The following PNPO variants were observed in gnomAD, a reference collection of about 807,000 sequenced individuals.
The protein encoded by PNPO is pyridoxamine 5'-phosphate oxidase.
Under a neutral mutation model 35.0 loss-of-function variants are expected in PNPO, and 39 were observed. That is an observed-to-expected ratio of 1.11 (90% CI 0.86 to 1.45). The LOEUF (loss-of-function observed/expected upper bound fraction) is 1.45, where lower values mean the gene tolerates loss of function less well. Among genes scored for constraint, PNPO ranks in the 40% most tolerant of loss-of-function variants. The pLI is 0.00. For missense variants in PNPO, 288 were observed against 340.0 expected, an observed-to-expected ratio of 0.85 and a Z score of 1.20; for synonymous variants, 115 against 119.8, an observed-to-expected ratio of 0.96 and a Z score of 0.26.
At position 47,946,871 on chromosome 17, in the gene PNPO, A is replaced by C; in HGVS notation, c.*89A>C. 6.4e-6 allele frequency: 8 copies of C among 1,247,666 alleles called. No homozygotes were observed. Among genetic ancestry groups the C allele is most frequent in the African/African-American group, 1.5e-5 (1 of 67,936 alleles). The allele number at this position is 1,247,666 out of a possible 1,614,324, so 77.3% of individuals were successfully genotyped here. ...GACCCAGGCCCTTCTTTCTAAACTC[A>C]ACCCATTTCCCTCCCTACCCCTTAT... On this transcript the variant is annotated 3_prime_UTR_variant, in exon 7 of 7. Coordinates refer to ENST00000642017, the MANE Select transcript of PNPO (RefSeq NM_018129.4).
intron 1 of PNPO, chr17:47,942,180 C>A: frequency 2.9e-6 from 1 of 344,988 alleles, no homozygotes; most frequent in Non-Finnish European, 4.4e-6. Flanking sequence ...TTGTAAAGTG[C>A]TTAGAACCCT....
intron 2 of PNPO, among the ~76,000 whole-genome samples, chr17:47,944,113 C>G (rs938611225): frequency 2.6e-5 from 4 of 152,030 alleles, no homozygotes; most frequent in African/African-American, 9.7e-5. Context: ...AGTCCAAGAT[C>G]AAGGTGCCAT....
intron 1 of PNPO, among the ~76,000 whole-genome samples, chr17:47,943,001 G>A (rs1372264017): frequency 1.3e-5 from 2 of 152,164 alleles, no homozygotes; most frequent in African/African-American, 4.8e-5. Context: ...TTTTGGGGGT[G>A]GAGCCCAGAA....
intron 1 of PNPO, among the ~76,000 whole-genome samples, chr17:47,942,943 AAT>A (rs1254644683): frequency 6.6e-6 from 1 of 152,140 alleles, no homozygotes; most frequent in African/African-American, 2.4e-5. Flanking sequence ...TAAATAAATA[AAT>A]AAAAATGCAG....
In PNPO at chr17:47,944,829, G is replaced by T; in HGVS notation, c.363+114G>T. The T allele has an allele frequency of 3.5e-6, 3 of 846,198 alleles. No homozygotes were observed. The South Asian group carries it at 4.0e-5, about 11-fold the overall frequency. 52.4% of individuals were successfully genotyped at this position (846,198 alleles called of 1,614,324 possible). On this transcript the variant is annotated intron_variant, in intron 3 of 6. Transcript: ENST00000642017. ...CCAGTCTACTTGCTCTCTGTGTGCA[G>T]GTGCCCTCCTGCCATGAGGCCTTGG...
rs1194648942 is a variant in PNPO, at chr17:47,947,942, G to C, written c.*1160G>C. ...CAGACATGAGCCACCACGCTTGGCC[G>C]GGATAGTATATTTTTATAGCACTTC... On this transcript the variant is annotated 3_prime_UTR_variant, in exon 7 of 7. Transcript: ENST00000642017. 1 of 152,194 alleles carries C rather than the reference G, an allele frequency of 6.6e-6. No homozygotes were observed. The highest frequency in any genetic ancestry group is 2.4e-5 in the African/African-American group (1 of 41,434). The allele number at this position is 152,194 out of a possible 1,614,324, so 9.4% of individuals were successfully genotyped here.
Position 47,945,816 on chromosome 17 carries a change from G to T in PNPO, c.418-45G>T. 1.2e-6 allele frequency: 2 copies of T among 1,605,622 alleles called. No homozygotes were observed. The highest frequency in any genetic ancestry group is 1.7e-6 in the Non-Finnish European group (2 of 1,176,548). On this transcript the variant is annotated intron_variant, in intron 4 of 6. Transcript: ENST00000642017. This position sits in a 1 kb window ranked among gnomAD's most constrained non-coding sequence, Gnocchi z 4.0. ...AACGGGGCCTGTGCTGGTAGGGAGG[G>T]CAGGTGGCATTTAATGCCATTCACC...
In PNPO at chr17:47,945,370, T is replaced by C. The variant is rs1250385209; in HGVS notation, c.364-189T>C. On this transcript the variant is annotated intron_variant, in intron 3 of 6. Transcript: ENST00000642017. This position sits in a 1 kb window ranked among gnomAD's most constrained non-coding sequence, Gnocchi z 4.0. ...TAGCTCCACCACTTCCTGCAGGAAC[T>C]TGGGCACGTGACTTAGCCTGTCTCT... is the stretch of plus-strand genomic sequence containing the variant. 2 of 613,628 alleles carry C rather than the reference T, an allele frequency of 3.3e-6. No homozygotes were observed. The highest frequency in any genetic ancestry group is 5.9e-6 in the Non-Finnish European group (2 of 336,230). 38.0% of individuals were successfully genotyped at this position (613,628 alleles called of 1,614,324 possible). A position where few individuals can be genotyped will look rare whatever the true frequency, so the allele number is the denominator to read the frequency against.
In PNPO at chr17:47,945,694, C is replaced by T; in HGVS notation, c.417+82C>T. 6.9e-7 allele frequency: 1 copy of T among 1,449,210 alleles called. No homozygotes were observed. Among genetic ancestry groups the T allele is most frequent in the Non-Finnish European group, 9.7e-7 (1 of 1,030,348 alleles). 89.8% of individuals were successfully genotyped at this position (1,449,210 alleles called of 1,614,324 possible). ...TATGGCTACGTCTAGCGAAGGTCCC[C>T]AGACTGGGCAAACATCCCAGCTGGG... On this transcript the variant is annotated intron_variant, in intron 4 of 6. Coordinates refer to ENST00000642017, the MANE Select transcript of PNPO (RefSeq NM_018129.4). This position sits in a 1 kb window ranked among gnomAD's most constrained non-coding sequence, Gnocchi z 4.0.
chr17:47,944,737 T>A lies in PNPO; in HGVS notation c.363+22T>A, dbSNP rs764850470. On this transcript the variant is annotated intron_variant, in intron 3 of 6. Coordinates refer to ENST00000642017, the MANE Select transcript of PNPO (RefSeq NM_018129.4). ...GCTGGTGGGTGAAAAGAGCTAGTAA[T>A]CTTTCCCAGGGCCTGCAGGGTTTGG... 6.3e-6 allele frequency: 10 copies of A among 1,586,120 alleles called. No individual in the cohort carries two copies. In the South Asian group the frequency reaches 9.9e-5, roughly 16 times the overall value.
intron 2 of PNPO, among the ~76,000 whole-genome samples, chr17:47,944,236 T>TGTGTGTGTGTGTG (rs56185758): frequency 7.1e-6 from 1 of 140,356 alleles, no homozygotes; most frequent in African/African-American, 2.7e-5. Flanking sequence ...TGTGTGTGTG[T>TGTGTGTGTGTGTG]TGTGGAGGGC....
Position 47,944,638 on chromosome 17 carries a change from ATGT to A in PNPO, c.289_291del (p.Leu99del), listed in dbSNP as rs1472580890. 1 of 1,614,080 alleles carries A rather than the reference ATGT, an allele frequency of 6.2e-7. No individual in the cohort carries two copies. The highest frequency in any genetic ancestry group is 1.3e-5 in the African/African-American group (1 of 75,042). On this transcript the variant is annotated inframe_deletion, in exon 3 of 7. Coordinates refer to ENST00000642017, the MANE Select transcript of PNPO (RefSeq NM_018129.4). ...TAGAGATGGAAAACCCTCTGCTCGC[ATGT>A]TGCTGCTGAAGGGCTTCGGGAAAGA...
rs1342517934 is a variant in PNPO, at chr17:47,945,504, G to T, written c.364-55G>T. On this transcript the variant is annotated intron_variant, in intron 3 of 6. Coordinates refer to ENST00000642017, the MANE Select transcript of PNPO (RefSeq NM_018129.4). The surrounding 1 kb of genome is among the most constrained non-coding windows in gnomAD (Gnocchi z 4.0). ...CTCTCCTGCCTTTTCCCTGCATGCC[G>T]GAGGCCTCCTCTCCCTGTCCTGATG... The T allele has an allele frequency of 7.1e-7, 1 of 1,406,148 alleles. No individual in the cohort carries two copies. The highest frequency in any genetic ancestry group is 1.0e-6 in the Non-Finnish European group (1 of 990,714). The allele number at this position is 1,406,148 out of a possible 1,614,324, so 87.1% of individuals were successfully genotyped here.
At chr17:47,944,747 G>A (rs2035986998) in intron 3 of PNPO, 32 bp downstream of exon 3, 3 of 1,552,422 alleles carry the variant, frequency 1.9e-6, no homozygotes, top group Non-Finnish European at 2.7e-6. Flanking sequence ...TCTTTCCCAG[G>A]GCCTGCAGGG....
Position 47,945,970 on chromosome 17 carries a change from C to G in PNPO, c.527C>G (p.Ser176Cys), listed in dbSNP as rs142969923. Residue 176 changes from serine to cysteine, a missense_variant, in exon 5 of 7, where the codon TCT (serine) becomes TGT (cysteine). Coordinates refer to ENST00000642017, the MANE Select transcript of PNPO (RefSeq NM_018129.4). This position sits in a 1 kb window ranked among gnomAD's most constrained non-coding sequence, Gnocchi z 4.0. ...QIGAVVSHQS[S>C]VIPDREYLRK... ...GGGGCTGTGGTCAGCCACCAGAGTT[C>G]TGTGATCCCTGATCGGGAGGTGAGT... 5.6e-6 allele frequency: 9 copies of G among 1,613,884 alleles called. No homozygotes were observed. Among genetic ancestry groups the G allele is most frequent in the Middle Eastern group, 1.7e-4 (1 of 6,040 alleles).
chr17:47,946,911 A>G lies in PNPO; in HGVS notation c.*129A>G. 1.2e-6 allele frequency: 1 copy of G among 804,316 alleles called. No individual in the cohort carries two copies. The highest frequency in any genetic ancestry group is 1.5e-5 in the South Asian group (1 of 66,950). 49.8% of individuals were successfully genotyped at this position (804,316 alleles called of 1,614,324 possible). On this transcript the variant is annotated 3_prime_UTR_variant, in exon 7 of 7. Transcript: ENST00000642017. ...CTACCCCTTATCTTCAGGACTCTTC[A>G]GAGCTAATCCTCTAAGTTCTCTGTA...
Position 47,945,917 on chromosome 17 carries a change from C to T in PNPO, c.474C>T (p.Phe158=). 3.1e-6 allele frequency: 5 copies of T among 1,613,942 alleles called. No homozygotes were observed. Among genetic ancestry groups the T allele is most frequent in the Non-Finnish European group, 4.2e-6 (5 of 1,179,994 alleles). Residue 158 remains phenylalanine (F), a synonymous_variant, in exon 5 of 7, where the codon TTC becomes TTT. Transcript: ENST00000642017. The surrounding 1 kb of genome is among the most constrained non-coding windows in gnomAD (Gnocchi z 4.0). ...KLPEEEAECY[F]HSRPKSSQIG... ...CTGAGGAGGAGGCTGAGTGCTACTTCCACTCCCGCCCCAAGAGCAGCCAGA... is the reference window on the plus strand; with the variant it reads ...CTGAGGAGGAGGCTGAGTGCTACTTTCACTCCCGCCCCAAGAGCAGCCAGA...
In PNPO at chr17:47,945,631, G is replaced by A. The variant is rs2035997263; in HGVS notation, c.417+19G>A. 1 of 1,601,750 alleles carries A rather than the reference G, an allele frequency of 6.2e-7. No individual in the cohort carries two copies. Among genetic ancestry groups the A allele is most frequent in the Non-Finnish European group, 8.6e-7 (1 of 1,168,756 alleles). The stretch of plus-strand genomic sequence containing the variant: ...CCGTCAGGTGAGTGAATTTTCCCAG[G>A]ACAGCCTGGGATGGGCTGGGTTGGC... On this transcript the variant is annotated intron_variant, in intron 4 of 6. Coordinates refer to ENST00000642017, the MANE Select transcript of PNPO (RefSeq NM_018129.4). The surrounding 1 kb of genome is among the most constrained non-coding windows in gnomAD (Gnocchi z 4.0).
chr17:47,944,700 A>G lies in PNPO; in HGVS notation c.348A>G (p.Arg116=). ...GCTTCTTCACTAACTTCGAGAGTCG[A>G]AAAGGAAAAGAGCTGGTGGGTGAAA... The part of the protein sequence containing the change: ...GFRFFTNFES[R]KGKELDSNPF... The change falls in exon 3 of 7, where the codon CGA becomes CGG. Residue 116 remains arginine, a synonymous_variant. Transcript: ENST00000642017. 6.2e-7 allele frequency: 1 copy of G among 1,613,796 alleles called. No homozygotes were observed. Among genetic ancestry groups the G allele is most frequent in the Non-Finnish European group, 8.5e-7 (1 of 1,179,638 alleles).
Sources: allele counts gnomAD v4.1 joint callset (sites outside exome capture counted in the v4.1 genomes callset), GRCh38; gene constraint gnomAD v4.1.1; non-coding constraint Gnocchi (gnomAD v3.1); transcripts MANE v1.5; gene names NCBI Gene and HGNC (gene_info 2026-07-23, HGNC 2026-07-21).